The following MED23 variants were observed in gnomAD, a reference collection of about 807,000 sequenced individuals.
MED23 encodes mediator complex subunit 23, also known as mediator of RNA polymerase II transcription subunit 23.
In MED23, 105 loss-of-function variants were observed where a neutral mutation model predicts 163.9. The observed-to-expected ratio is 0.64, with a 90% confidence interval of 0.55 to 0.75. The LOEUF (loss-of-function observed/expected upper bound fraction) is 0.75, where lower values mean the gene tolerates loss of function less well. MED23 is among the 30% of genes least tolerant of loss of function. MED23 has a pLI of 0.00. For synonymous variants in MED23, 561 were observed against 565.6 expected, an observed-to-expected ratio of 0.99 and a Z score of 0.12; for missense variants, 1,054 against 1,649.0, an observed-to-expected ratio of 0.64 and a Z score of 6.25.
intron 12 of MED23, 38 bp downstream of exon 12, chr6:131,607,890 C>T (rs571979247): frequency 8.1e-6 from 13 of 1,600,552 alleles, no homozygotes; most frequent in Non-Finnish European, 1.1e-5. Flanking sequence ...ATAATTTACT[C>T]ATCATGTTGT....
chr6:131,625,492 G>C (rs1420261783), intron 3 of MED23, among the ~76,000 whole-genome samples: 1 of 152,148 alleles, frequency 6.6e-6, no homozygotes, highest in African/African-American at 2.4e-5. Flanking sequence ...TAAATACGAT[G>C]TCAAAATGTT....
chr6:131,580,551 C>G (rs184952013), intron 30 of MED23, among the ~76,000 whole-genome samples: 2 of 152,220 alleles, frequency 1.3e-5, no homozygotes, highest in Admixed American at 1.3e-4. Context: ...CTAATAAATC[C>G]TAACTTTTAA....
chr6:131,583,355 A>T, downstream of MED23: 1 of 1,614,184 alleles, frequency 6.2e-7, no homozygotes, highest in Non-Finnish European at 8.5e-7. Flanking sequence ...TTCTTAAAAG[A>T]AAGAAAAGGC....
downstream of MED23, chr6:131,583,293 T>A: frequency 6.2e-7 from 1 of 1,610,606 alleles, no homozygotes; most frequent in Non-Finnish European, 8.5e-7. Flanking sequence ...GTTAACAGAT[T>A]ATTATCTATG....
Position 131,619,822 on chromosome 6 carries a change from C to G in MED23, c.667+5G>C. ...TATTTGGCATATTTAAAATTATAAT[C>G]CTACCACAAATGGAGTTTATCCTTG... On this transcript the variant is annotated splice_donor_5th_base_variant and intron_variant, in intron 8 of 28. Transcript: ENST00000368068. 1 of 1,599,146 alleles carries G rather than the reference C, an allele frequency of 6.3e-7. No homozygotes were observed. The highest frequency in any genetic ancestry group is 8.6e-7 in the Non-Finnish European group (1 of 1,167,088).
At chr6:131,586,250 A>G (rs1216343972), downstream of MED23, among the ~76,000 whole-genome samples, 1 of 152,056 alleles carries the variant, frequency 6.6e-6, no homozygotes, top group Non-Finnish European at 1.5e-5. Flanking sequence ...AATACAAAAA[A>G]TTAGCCAGGC....
chr6:131,621,845 G>T (rs1777130369), intron 6 of MED23, 36 bp downstream of exon 6: 4 of 1,444,632 alleles, frequency 2.8e-6, no homozygotes, highest in Non-Finnish European at 3.8e-6. Context: ...ACTTTTTTGA[G>T]GTTATGATCA....
Position 131,587,691 on chromosome 6 carries a change from T to C in MED23, c.4095A>G (p.Pro1365=), listed in dbSNP as rs747183669. The C allele has an allele frequency of 2.5e-6, 4 of 1,614,132 alleles. No individual in the cohort carries two copies. Among genetic ancestry groups the C allele is most frequent in the East Asian group, 2.2e-5 (1 of 44,870 alleles). Residue 1365 remains proline (P), a synonymous_variant, in exon 29 of 29, where the codon CCA becomes CCG. Transcript: ENST00000368068. Reference sequence around the variant, plus strand: ...GTACAGTCTGGCTTCACTGAGTTACTGGTAAAGACACGGGCACCTGATTAG... The same window carrying C: ...GTACAGTCTGGCTTCACTGAGTTACCGGTAAAGACACGGGCACCTGATTAG... ...PQSNQVPVSL[P]VTQ
At position 131,586,804 on chromosome 6, in the gene MED23, A is replaced by G; in HGVS notation, c.*875T>C. ...AGTTTTCAAGTCTTTCGCAATGCCA[A>G]TTCCCCCAAAATTAACAATGTCTCT... On this transcript the variant is annotated 3_prime_UTR_variant, in exon 29 of 29. Transcript: ENST00000368068. 2 of 1,512,404 alleles carry G rather than the reference A, an allele frequency of 1.3e-6. No individual in the cohort carries two copies. The highest frequency in any genetic ancestry group is 1.2e-5 in the South Asian group (1 of 82,478). The allele number at this position is 1,512,404 out of a possible 1,614,324, so 93.7% of individuals were successfully genotyped here.
rs1774274820 is a variant in MED23 at position 131,587,751 on chromosome 6, T to C, written c.4035A>G (p.Pro1345=). The C allele has an allele frequency of 1.2e-6, 2 of 1,614,044 alleles. No individual in the cohort carries two copies. The highest frequency in any genetic ancestry group is 1.1e-5 in the South Asian group (1 of 91,090). Residue 1345 remains proline (P), a synonymous_variant, in exon 29 of 29, where the codon CCA becomes CCG. Transcript: ENST00000368068. ...CTGGAGACCCACTGTTCATGGCTTGTGGAGGCACTGCAGCTGGCTCCATCT... is the reference window on the plus strand; with the variant it reads ...CTGGAGACCCACTGTTCATGGCTTGCGGAGGCACTGCAGCTGGCTCCATCT... The part of the protein sequence containing the change: ...ISKMEPAAVP[P]QAMNSGSPAP...
At chr6:131,602,959 AG>A (rs1378944538) in intron 16 of MED23, 70 bp downstream of exon 16, 1 of 1,466,832 alleles carries the variant, frequency 6.8e-7, no homozygotes, top group Non-Finnish European at 9.5e-7. Flanking sequence ...GTAAAGGTAA[AG>A]GATTAAGAAC....
In MED23 at chr6:131,600,108, TG is replaced by T; in HGVS notation, c.2149del (p.Gln717ArgfsTer4). The T allele has an allele frequency of 6.2e-7, 1 of 1,613,604 alleles. No homozygotes were observed. Among genetic ancestry groups the T allele is most frequent in the Non-Finnish European group, 8.5e-7 (1 of 1,179,568 alleles). ...IQGTWCKDIL[Q>X]TIMSFTPHNW... The stretch of plus-strand genomic sequence containing the variant: ...ATGAGGAGTGAAACTCATGATGGTC[TG>T]AAGTATGTCTTTACACCAAGTTCCC... On this transcript the variant is annotated frameshift_variant, in exon 18 of 29. Transcript: ENST00000368068. LOFTEE classifies it high-confidence loss of function.
chr6:131,598,991 C>G lies in MED23; in HGVS notation c.2221-230G>C, dbSNP rs1432219199. The stretch of plus-strand genomic sequence containing the variant: ...TCCTAAATGGAAATTCTAAGTAAGC[C>G]TGAATTCAAAGCTTCTTCAATCATC... On this transcript the variant is annotated intron_variant, in intron 18 of 28. Transcript: ENST00000368068. This position sits in a 1 kb window ranked among gnomAD's most constrained non-coding sequence, Gnocchi z 4.7. 6.6e-6 allele frequency among the ~76,000 whole-genome samples: 1 copy of G among 152,098 alleles called. No homozygotes were observed. Among genetic ancestry groups the G allele is most frequent in the Non-Finnish European group, 1.5e-5 (1 of 68,022 alleles).
chr6:131,576,151 A>G (rs1188110726), intron 30 of MED23, among the ~76,000 whole-genome samples: 3 of 152,306 alleles, frequency 2.0e-5, no homozygotes, highest in East Asian at 3.9e-4. Context: ...CCTGTCCCCA[A>G]CAGTGTTAAG....
Position 131,627,685 on chromosome 6 carries a change from A to C in MED23, c.40-13T>G, listed in dbSNP as rs766446802. ...TAACTTCCGTTTTCTGTAAAAAAAAAAAAAACAAAATGTAAACAATGTTAA... is the reference window on the plus strand; with the variant it reads ...TAACTTCCGTTTTCTGTAAAAAAAACAAAAACAAAATGTAAACAATGTTAA... On this transcript the variant is annotated splice_polypyrimidine_tract_variant and intron_variant, in intron 1 of 28. Transcript: ENST00000368068. 112 of 1,602,590 alleles carry C rather than the reference A, an allele frequency of 7.0e-5. No individual in the cohort carries two copies. Among genetic ancestry groups the C allele is most frequent in the Admixed American group, 3.3e-4 (19 of 57,798 alleles).
intron 30 of MED23, among the ~76,000 whole-genome samples, chr6:131,574,995 C>T (rs996087918): frequency 7.9e-5 from 12 of 152,148 alleles, no homozygotes; most frequent in African/African-American, 2.4e-4. Context: ...CGACCTTATA[C>T]TTGTGGCCAT....
intron 10 of MED23, 27 bp downstream of exon 10, chr6:131,615,880 T>C (rs776406159): frequency 5.3e-6 from 8 of 1,522,746 alleles, no homozygotes. Flanking sequence ...ATGCAGAATT[T>C]ACTAGGTTTC....
intron 30 of MED23, chr6:131,581,195 C>T: frequency 6.2e-7 from 1 of 1,613,114 alleles, no homozygotes; most frequent in Non-Finnish European, 8.5e-7. Context: ...ACCTGATGTT[C>T]ACACAAAATT....
rs753633402 is a variant in MED23 at position 131,618,519 on chromosome 6, C to T, written c.668G>A (p.Gly223Asp). ...TACAACTGGCAGAAGACTACAGCGA[C>T]CTGTATGTATTACAAAAATGTTTTT... ...RPTARINSIC[G>D]RCSLLPVVNN... Residue 223 changes from glycine (G) to aspartate (D), a missense_variant and splice_region_variant, in exon 9 of 29, where the codon GGT becomes GAT. Around this residue, in one of 11 missense-constraint regions of MED23, gnomAD observed 54 missense variants for 79.7 expected, o/e 0.68. Coordinates refer to ENST00000368068, the MANE Select transcript of MED23 (RefSeq NM_004830.4). 16 of 1,605,294 alleles carry T rather than the reference C, an allele frequency of 1.0e-5. No homozygotes were observed. The highest frequency in any genetic ancestry group is 1.4e-5 in the Non-Finnish European group (16 of 1,172,108).
Sources: allele counts gnomAD v4.1 joint callset (sites outside exome capture counted in the v4.1 genomes callset), GRCh38; gene constraint gnomAD v4.1.1; regional missense constraint gnomAD v4.1.1; non-coding constraint Gnocchi (gnomAD v3.1); transcripts MANE v1.5; gene names NCBI Gene and HGNC (gene_info 2026-07-23, HGNC 2026-07-21).